The following PLCD1 variants were observed in gnomAD, a reference collection of about 807,000 sequenced individuals.
PLCD1 encodes the protein 1-phosphatidylinositol 4,5-bisphosphate phosphodiesterase delta-1.
A neutral mutation model predicts 87.4 loss-of-function variants in PLCD1; 71 were observed. The observed-to-expected ratio is 0.81, with a 90% confidence interval of 0.67 to 0.99. The LOEUF is 0.99. Among genes scored for constraint, PLCD1 ranks in the 50% least tolerant of loss-of-function variants. The pLI, the probability that PLCD1 is intolerant of heterozygous loss-of-function variation, is 0.00. For missense variants in PLCD1, 867 were observed against 1,001.5 expected (o/e 0.87, Z 1.81); for synonymous variants, 348 against 399.2 (o/e 0.87, Z 1.53).
In PLCD1 at chr3:38,029,598, C is replaced by T. The variant is rs1700343170; in HGVS notation, c.-59G>A. On this transcript the variant is annotated 5_prime_UTR_variant, in exon 1 of 15. It adds an upstream start codon to the 5' untranslated region. Coordinates refer to ENST00000334661, the MANE Select transcript of PLCD1 (RefSeq NM_006225.4). The stretch of plus-strand genomic sequence containing the variant: ...GGGACTCACTTGAGTAGCGACAGCA[C>T]CGGCGGCCTGGGGTCCGAGCGGAGT... 3 of 1,504,940 alleles carry T rather than the reference C, an allele frequency of 2.0e-6. No individual in the cohort carries two copies. The highest frequency in any genetic ancestry group is 2.0e-5 in the Admixed American group (1 of 50,728). 93.2% of individuals were successfully genotyped at this position (1,504,940 alleles called of 1,614,324 possible). A position where few individuals can be genotyped will look rare whatever the true frequency, so the allele number is the denominator to read the frequency against.
rs148664466 is a variant in PLCD1 at position 38,009,086 on chromosome 3, G to C, written c.1679C>G (p.Ser560Cys). Residue 560 changes from serine to cysteine, a missense_variant, in exon 11 of 15, where the codon TCC (serine) becomes TGC (cysteine). By Grantham distance (112) the Ser-to-Cys change is moderately radical. Transcript: ENST00000334661. ...IYPAGWRTDS[S>C]NYSPVEMWNG... The stretch of plus-strand genomic sequence containing the variant: ...CCACATCTCCACGGGGCTGTAGTTG[G>C]AGGAGTCTGTTCTCCATCCAGCCGG... The C allele has an allele frequency of 4.3e-6, 7 of 1,613,730 alleles. No homozygotes were observed. The African/African-American group carries it at 9.3e-5, about 22-fold the overall frequency.
chr3:38,011,071 G>GA (rs1266830050), intron 5 of PLCD1, 143 bp downstream of exon 5: 1 of 635,528 alleles, frequency 1.6e-6, no homozygotes, highest in East Asian at 2.7e-5. Flanking sequence ...CATAGGACCA[G>GA]AAAGTGTGGA....
rs755798381 is a variant in PLCD1, at chr3:38,008,309, G to A, written c.1961C>T (p.Pro654Leu). The change falls in exon 13 of 15, where the codon CCC becomes CTC. Residue 654 changes from proline to leucine, a missense_variant. Pro to Leu is a moderately conservative substitution (Grantham distance 98, BLOSUM62 -3). Transcript: ENST00000334661. ...GCCATGGATCTCCACTGTCACTTTG[G>A]GGTCCACAATTGAATTCTTATTCTT... is the stretch of plus-strand genomic sequence containing the variant. The part of the protein sequence containing the change: ...VNKNKNSIVD[P>L]KVTVEIHGVS... 3.1e-6 allele frequency: 5 copies of A among 1,614,192 alleles called. No individual in the cohort carries two copies. The highest frequency in any genetic ancestry group is 4.2e-6 in the Non-Finnish European group (5 of 1,180,022).
chr3:38,016,712 G>A lies in PLCD1; in HGVS notation c.207C>T (p.Ile69=), dbSNP rs772219589. The change falls in exon 3 of 15, where the codon ATC becomes ATT. Residue 69 remains isoleucine (I), a synonymous_variant. Coordinates refer to ENST00000334661, the MANE Select transcript of PLCD1 (RefSeq NM_006225.4). The part of the protein sequence containing the change: ...MRTPESQLFS[I]EDIQEVRMGH... ...CCATTCGCACCTCCTGAATGTCCTC[G>A]ATGGAGACTGCGAGAGGGGGATGGT... 32 of 1,553,644 alleles carry A rather than the reference G, an allele frequency of 2.1e-5. No homozygotes were observed. The highest frequency in any genetic ancestry group is 2.4e-5 in the Non-Finnish European group (28 of 1,146,778).
rs1192965035 is a variant in PLCD1, at chr3:38,011,609, G to A, written c.493C>T (p.Leu165=). 1 of 1,613,894 alleles carries A rather than the reference G, an allele frequency of 6.2e-7. No homozygotes were observed. Among genetic ancestry groups the A allele is most frequent in the Non-Finnish European group, 8.5e-7 (1 of 1,179,842 alleles). Residue 165 remains leucine (L), a synonymous_variant, in exon 4 of 15, where the codon CTG becomes TTG. Coordinates refer to ENST00000334661, the MANE Select transcript of PLCD1 (RefSeq NM_006225.4). ...NKDNKMSFKE[L]QNFLKELNIQ... is the part of the protein sequence containing the mutation. Reference sequence around the variant, plus strand: ...TTGAGCTCCTTCAGGAAGTTCTGCAGCTCCTTGAAGCTCATCTTGTTGTCC... The same window carrying A: ...TTGAGCTCCTTCAGGAAGTTCTGCAACTCCTTGAAGCTCATCTTGTTGTCC...
intron 1 of PLCD1, among the ~76,000 whole-genome samples, chr3:38,022,817 C>T (rs1700254307): frequency 6.6e-6 from 1 of 152,164 alleles, no homozygotes; most frequent in Admixed American, 6.5e-5. Flanking sequence ...ACCACCCTTG[C>T]TCCCTTAGCA....
At chr3:38,020,114 C>G (rs1700211304) in intron 2 of PLCD1, 74 bp downstream of exon 2, 1 of 1,364,534 alleles carries the variant, frequency 7.3e-7, no homozygotes, top group African/African-American at 1.4e-5. Flanking sequence ...TGATCCATGA[C>G]TGACCTTTGT....
At position 38,018,320 on chromosome 3, in the gene PLCD1, G is replaced by A. The variant is rs554689776; in HGVS notation, c.200-1601C>T. ...GTCTGACCAGCAGAAAGCCCCCTCA[G>A]GCCTTGCTCCATACCTGCGCACACC... is the stretch of plus-strand genomic sequence containing the variant. On this transcript the variant is annotated intron_variant, in intron 2 of 14. Coordinates refer to ENST00000334661, the MANE Select transcript of PLCD1 (RefSeq NM_006225.4). This position sits in a 1 kb window ranked among gnomAD's most constrained non-coding sequence, Gnocchi z 5.7. Among the ~76,000 whole-genome samples the A allele has an allele frequency of 1.6e-3, 238 of 152,126 alleles. No individual in the cohort carries two copies. Among genetic ancestry groups the A allele is most frequent in the Admixed American group, 2.9e-3 (44 of 15,276 alleles).
intron 1 of PLCD1, among the ~76,000 whole-genome samples, chr3:38,026,627 G>T (rs905711214): frequency 2.0e-5 from 3 of 152,232 alleles, no homozygotes; most frequent in African/African-American, 7.2e-5. Flanking sequence ...GATTGGTGTG[G>T]ATCAGTGTGT....
chr3:38,013,947 T>C lies in PLCD1; in HGVS notation c.429-2274A>G, dbSNP rs1336024502. ...TGGACATACACCAGCAATGAAAAAT[T>C]TGAAAGTGAAATTAAGAAAACATTT... On this transcript the variant is annotated intron_variant, in intron 3 of 14. Coordinates refer to ENST00000334661, the MANE Select transcript of PLCD1 (RefSeq NM_006225.4). 2.0e-5 allele frequency among the ~76,000 whole-genome samples: 3 copies of C among 152,278 alleles called. No homozygotes were observed. In the East Asian group the frequency reaches 5.8e-4, roughly 29 times the overall value.
Position 38,021,689 on chromosome 3 carries a change from C to T in PLCD1, c.35-1337G>A, listed in dbSNP as rs138336477. ...GCCAATCGGCCACTTCACTTCTCTC[C>T]CTAGAACTATGTGGCCCATCAGCAA... On this transcript the variant is annotated intron_variant, in intron 1 of 14. Coordinates refer to ENST00000334661, the MANE Select transcript of PLCD1 (RefSeq NM_006225.4). Among the ~76,000 whole-genome samples, 214 of 152,328 alleles carry T rather than the reference C, an allele frequency of 1.4e-3. 2 individuals are homozygous for T. Among genetic ancestry groups the T allele is most frequent in the Middle Eastern group, 6.8e-3 (2 of 294 alleles).
At chr3:38,019,419 T>C (rs1700201543) in intron 2 of PLCD1, among the ~76,000 whole-genome samples, 1 of 152,188 alleles carries the variant, frequency 6.6e-6, no homozygotes. Context: ...ACAGTGCAGA[T>C]ATAGAACATT....
In PLCD1 at chr3:38,018,569, C is replaced by T. The variant is rs1449895786; in HGVS notation, c.199+1619G>A. 6.6e-6 allele frequency among the ~76,000 whole-genome samples: 1 copy of T among 152,180 alleles called. No individual in the cohort carries two copies. The highest frequency in any genetic ancestry group is 2.4e-5 in the African/African-American group (1 of 41,440). Reference sequence around the variant, plus strand: ...GGTTCCTGCGGGGAAAGGCCTGGGTCTTCCACTCCTCTATCTCCCCTCTCA... The same window carrying T: ...GGTTCCTGCGGGGAAAGGCCTGGGTTTTCCACTCCTCTATCTCCCCTCTCA... On this transcript the variant is annotated intron_variant, in intron 2 of 14. Coordinates refer to ENST00000334661, the MANE Select transcript of PLCD1 (RefSeq NM_006225.4). This position sits in a 1 kb window ranked among gnomAD's most constrained non-coding sequence, Gnocchi z 5.7.
rs1559369566 is a variant in PLCD1, at chr3:38,007,642, A to ATGTT, written c.*127_*130dup. The ATGTT allele has an allele frequency of 5.4e-6, 4 of 739,724 alleles. No individual in the cohort carries two copies. The Admixed American group carries it at 6.0e-5, about 11-fold the overall frequency. 45.8% of individuals were successfully genotyped at this position (739,724 alleles called of 1,614,324 possible). A position where few individuals can be genotyped will look rare whatever the true frequency, so the allele number is the denominator to read the frequency against. ...CCCCAGGGAGGCAGCAGCAGACACT[A>ATGTT]TGTTAGGGCTGAAGGCAATTTGGGG... On this transcript the variant is annotated 3_prime_UTR_variant, in exon 15 of 15. Coordinates refer to ENST00000334661, the MANE Select transcript of PLCD1 (RefSeq NM_006225.4).
rs189989252 is a variant in PLCD1 at position 38,018,052 on chromosome 3, A to G, written c.200-1333T>C. On this transcript the variant is annotated intron_variant, in intron 2 of 14. Coordinates refer to ENST00000334661, the MANE Select transcript of PLCD1 (RefSeq NM_006225.4). The surrounding 1 kb of genome is among the most constrained non-coding windows in gnomAD (Gnocchi z 5.7). ...GAAAGTCCAGATGCCTTCACTGCTG[A>G]TAACACCTTTGGCCTCTGGGAACCA... is the stretch of plus-strand genomic sequence containing the variant. Among the ~76,000 whole-genome samples, 697 of 152,306 alleles carry G rather than the reference A, an allele frequency of 4.6e-3. 4 individuals are homozygous for G. Among genetic ancestry groups the G allele is most frequent in the African/African-American group, 0.014 (585 of 41,568 alleles).
Position 38,020,274 on chromosome 3 carries a change from C to G in PLCD1, c.113G>C (p.Arg38Thr). The G allele has an allele frequency of 6.2e-7, 1 of 1,614,104 alleles. No homozygotes were observed. Among genetic ancestry groups the G allele is most frequent in the Non-Finnish European group, 8.5e-7 (1 of 1,179,948 alleles). ...CTCCTGCAACTTGTAGAAGCGCTCT[C>G]TCCTCCATGAGCTGGACTTCACCTT... ...LLKVKSSSWR[R>T]ERFYKLQEDC... Residue 38 changes from arginine to threonine, a missense_variant, in exon 2 of 15, where the codon AGA becomes ACA. By Grantham distance (71) the Arg-to-Thr change is moderately conservative. Transcript: ENST00000334661.
In PLCD1 at chr3:38,026,032, G is replaced by A. The variant is rs561834641; in HGVS notation, c.34+3474C>T. Among the ~76,000 whole-genome samples the A allele has an allele frequency of 2.6e-5, 4 of 152,332 alleles. No individual in the cohort carries two copies. The South Asian group carries it at 8.3e-4, about 32-fold the overall frequency. ...AGGTGAGTAGATGGACAAGGTAGAT[G>A]AGCTGAAATATGAACACGGAAAAGC... On this transcript the variant is annotated intron_variant, in intron 1 of 14. Transcript: ENST00000334661.
At position 38,007,709 on chromosome 3, in the gene PLCD1, C is replaced by T. The variant is rs756646210; in HGVS notation, c.*64G>A. 2.4e-6 allele frequency: 3 copies of T among 1,254,282 alleles called. No individual in the cohort carries two copies. The East Asian group carries it at 7.0e-5, about 29-fold the overall frequency. The allele number at this position is 1,254,282 out of a possible 1,614,324, so 77.7% of individuals were successfully genotyped here. ...GAGGCTGGGAGCAGCCACACCAGCC[C>T]TGTCCCCACATGTGGACAGAGGGCC... On this transcript the variant is annotated 3_prime_UTR_variant, in exon 15 of 15. Transcript: ENST00000334661.
chr3:38,024,880 G>A, intron 1 of PLCD1: 1 of 407,756 alleles, frequency 2.5e-6, no homozygotes. Context: ...GGCGAGAGTG[G>A]TGTCGAGGCG....
Sources: gnomAD v4.1 joint callset for allele counts (sites outside exome capture counted in the v4.1 genomes callset) on GRCh38, gnomAD v4.1.1 for gene constraint, Gnocchi (gnomAD v3.1) non-coding constraint, MANE v1.5 for transcripts, NCBI Gene and HGNC (gene_info 2026-07-23, HGNC 2026-07-21) for gene names.